Variants in DNAH14 observed in about 807,000 individuals in gnomAD.
DNAH14 encodes the protein axonemal beta dynein heavy chain 14.
DNAH14 carries 478 observed loss-of-function variants against 520.9 expected under a neutral mutation model. The ratio of observed to expected loss-of-function variants is 0.92; its 90% CI spans 0.85 to 0.99. The LOEUF (loss-of-function observed/expected upper bound fraction) is 0.99, where lower values mean the gene tolerates loss of function less well. Among genes scored for constraint, DNAH14 ranks in the 50% least tolerant of loss-of-function variants. The pLI is 0.00. For missense variants in DNAH14, 4,831 were observed against 5,234.5 expected (o/e 0.92, Z 2.38); for synonymous variants, 1,581 against 1,757.2 (o/e 0.90, Z 2.51).
At chr1:225,198,390 G>T (rs2086421402) in intron 38 of DNAH14, among the ~76,000 whole-genome samples, 1 of 151,886 alleles carries the variant, frequency 6.6e-6, no homozygotes, top group African/African-American at 2.4e-5. Context: ...CTAATTTTTT[G>T]TATTTTTTAG....
intron 43 of DNAH14, among the ~76,000 whole-genome samples, chr1:225,251,033 C>G (rs1487836606): frequency 6.6e-6 from 1 of 151,976 alleles, no homozygotes; most frequent in Non-Finnish European, 1.5e-5. Context: ...GTTATGGCAG[C>G]CCAAGCTAAC....
chr1:225,134,334 C>A (rs2078760605), intron 27 of DNAH14, among the ~76,000 whole-genome samples: 1 of 152,114 alleles, frequency 6.6e-6, no homozygotes, highest in African/African-American at 2.4e-5. Context: ...CCAGCTTTTT[C>A]CCATTTAGTA....
intron 8 of DNAH14, among the ~76,000 whole-genome samples, chr1:224,980,738 A>G (rs1196886902): frequency 1.3e-5 from 2 of 152,110 alleles, no homozygotes; most frequent in East Asian, 1.9e-4. Flanking sequence ...TTTGCCAACT[A>G]CTGATTGAAG....
chr1:224,961,997 C>G (rs1023683068), intron 4 of DNAH14, among the ~76,000 whole-genome samples: 1 of 151,952 alleles, frequency 6.6e-6, no homozygotes, highest in Non-Finnish European at 1.5e-5. Flanking sequence ...TGATAAAGAC[C>G]TAAGTGGCAT....
intron 8 of DNAH14, among the ~76,000 whole-genome samples, chr1:224,984,136 C>A (rs1027907757): frequency 3.9e-5 from 6 of 152,190 alleles, no homozygotes; most frequent in Non-Finnish European, 8.8e-5. Context: ...TGCCTGATTT[C>A]AAACTATATC....
At chr1:225,251,938 A>C (rs913864289) in intron 43 of DNAH14, among the ~76,000 whole-genome samples, 1 of 152,206 alleles carries the variant, frequency 6.6e-6, no homozygotes, top group African/African-American at 2.4e-5. Flanking sequence ...TAGAAAGATA[A>C]GTGTGATTTA....
intron 53 of DNAH14, among the ~76,000 whole-genome samples, chr1:225,276,354 G>C (rs1017389124): frequency 2.6e-5 from 4 of 152,116 alleles, no homozygotes; most frequent in South Asian, 2.1e-4. Context: ...TAAAGACAAG[G>C]TACACAACTG....
chr1:225,011,254 C>T (rs544379911), intron 10 of DNAH14, among the ~76,000 whole-genome samples: 44 of 152,316 alleles, frequency 2.9e-4, no homozygotes, highest in African/African-American at 1.0e-3. Context: ...AAACTTCCCT[C>T]TAAACACTGC....
intron 79 of DNAH14, 128 bp from the exon 80 acceptor site, chr1:225,380,031 C>A: frequency 1.0e-6 from 1 of 958,550 alleles, no homozygotes; most frequent in South Asian, 1.8e-5. Flanking sequence ...CTATACTCAT[C>A]CTACAGTGGT....
chr1:225,088,419 G>A (rs141429399), intron 21 of DNAH14, among the ~76,000 whole-genome samples: 491 of 152,200 alleles, frequency 3.2e-3, no homozygotes, highest in Non-Finnish European at 4.8e-3. Context: ...ATTAAACAGG[G>A]CAGAAGAAAA....
chr1:225,349,614 C>T (rs1038790521), intron 71 of DNAH14, among the ~76,000 whole-genome samples: 1 of 152,016 alleles, frequency 6.6e-6, no homozygotes, highest in African/African-American at 2.4e-5. Flanking sequence ...GAAAAATATT[C>T]CATGCAAGTG....
At chr1:225,045,833 CTT>C (rs1346886372) in intron 15 of DNAH14, among the ~76,000 whole-genome samples, 1 of 152,026 alleles carries the variant, frequency 6.6e-6, no homozygotes, top group East Asian at 1.9e-4. Context: ...AACTAATAAA[CTT>C]GGGGTGGGAG....
chr1:224,936,448 C>CA (rs1386991258), intron 1 of DNAH14, among the ~76,000 whole-genome samples: 3 of 151,276 alleles, frequency 2.0e-5, no homozygotes, highest in African/African-American at 4.8e-5. Context: ...AACTGTGTGC[C>CA]AAAAAAATAG....
At chr1:225,351,470 A>C (rs1367114579) in intron 71 of DNAH14, among the ~76,000 whole-genome samples, 177 bp from the exon 72 acceptor site, 2 of 152,142 alleles carry the variant, frequency 1.3e-5, no homozygotes, top group Non-Finnish European at 2.9e-5. Flanking sequence ...CTCTTACGTA[A>C]TTTTTATATA....
intron 76 of DNAH14, 38 bp from the exon 77 acceptor site, chr1:225,367,767 T>C (rs1289618525): frequency 1.7e-5 from 24 of 1,447,456 alleles, no homozygotes; most frequent in Non-Finnish European, 1.8e-5. Context: ...TGCCTGCATC[T>C]GTCCTCACAT....
chr1:225,025,525 A>C (rs1011194178), intron 11 of DNAH14, among the ~76,000 whole-genome samples: 2 of 151,976 alleles, frequency 1.3e-5, no homozygotes, highest in African/African-American at 4.8e-5. Flanking sequence ...TGAGTCCAGG[A>C]GTTCAAGACC....
intron 59 of DNAH14, 72 bp downstream of exon 59, chr1:225,307,641 C>G (rs771696983): frequency 8.7e-7 from 1 of 1,154,746 alleles, no homozygotes; most frequent in Non-Finnish European, 1.2e-6. Flanking sequence ...AGCAAAGGCT[C>G]TGATACCTGA....
intron 13 of DNAH14, among the ~76,000 whole-genome samples, chr1:225,043,490 C>T (rs2067668467): frequency 1.3e-5 from 2 of 152,078 alleles, no homozygotes; most frequent in East Asian, 1.9e-4. Flanking sequence ...ATCTCAAAAC[C>T]CAAACAGTTT....
At chr1:225,058,551 G>A (rs2148384739) in intron 17 of DNAH14, among the ~76,000 whole-genome samples, 2 of 152,256 alleles carry the variant, frequency 1.3e-5, no homozygotes, top group Middle Eastern at 6.8e-3. Context: ...TCTGATCTAA[G>A]TTATTTCTTG....
Sources: gnomAD v4.1 joint callset for allele counts (sites outside exome capture counted in the v4.1 genomes callset) on GRCh38, gnomAD v4.1.1 for gene constraint, MANE v1.5 for transcripts, NCBI Gene and HGNC (gene_info 2026-07-23, HGNC 2026-07-21) for gene names.